Variants in BMS1 observed in about 807,000 individuals in gnomAD.
The protein encoded by BMS1 is ribosome biogenesis protein BMS1 homolog.
A neutral mutation model predicts 138.7 loss-of-function variants in BMS1; 53 were observed. The ratio of observed to expected loss-of-function variants is 0.38; its 90% CI spans 0.31 to 0.48. BMS1 has a LOEUF of 0.48. Among genes scored for constraint, BMS1 ranks in the 20% least tolerant of loss-of-function variants. BMS1 has a pLI of 0.97. For synonymous variants in BMS1, 504 were observed against 539.9 expected (o/e 0.93, Z 0.92); for missense variants, 1,360 against 1,565.5 (o/e 0.87, Z 2.22).
At position 42,831,897 on chromosome 10, in the gene BMS1, G is replaced by A. The variant is rs766237583; in HGVS notation, c.*801G>A. 1.1e-4 allele frequency: 17 copies of A among 152,010 alleles called. No individual in the cohort carries two copies. The highest frequency in any genetic ancestry group is 1.9e-4 in the Non-Finnish European group (13 of 68,014). The allele number at this position is 152,010 out of a possible 1,614,324, so 9.4% of individuals were successfully genotyped here. A position where few individuals can be genotyped will look rare whatever the true frequency, so the allele number is the denominator to read the frequency against. On this transcript the variant is annotated 3_prime_UTR_variant, in exon 23 of 23. Transcript: ENST00000374518. ...GAAGTAATCATACTATTACATAGGC[G>A]ATGTATGTATTTTATGATTGTATGT...
At chr10:42,787,413 A>G (rs1352072721) in intron 4 of BMS1, among the ~76,000 whole-genome samples, 166 bp downstream of exon 4, 1 of 152,228 alleles carries the variant, frequency 6.6e-6, no homozygotes, top group Non-Finnish European at 1.5e-5. Flanking sequence ...ATGGTAATAA[A>G]TGTTGTTATG....
chr10:42,817,413 G>A lies in BMS1; in HGVS notation c.2499G>A (p.Lys833=), dbSNP rs1588748154. 1 of 1,609,756 alleles carries A rather than the reference G, an allele frequency of 6.2e-7. No individual in the cohort carries two copies. ...ATTTGGATAAGAAGAGAAAATTGAA[G>A]GAGATGTTTGATGCAGAATATGATG... ...KKHLDKKRKL[K]EMFDAEYDEG... The change falls in exon 15 of 23, where the codon AAG becomes AAA. Residue 833 remains lysine, a synonymous_variant. Coordinates refer to ENST00000374518, the MANE Select transcript of BMS1 (RefSeq NM_014753.4).
chr10:42,795,601 G>C (rs1841659805), intron 9 of BMS1, among the ~76,000 whole-genome samples: 2 of 151,884 alleles, frequency 1.3e-5, no homozygotes, highest in Non-Finnish European at 1.5e-5. Flanking sequence ...GATTACAGAT[G>C]TGAGCCACTA....
At position 42,792,522 on chromosome 10, in the gene BMS1, T is replaced by G. The variant is rs754788163; in HGVS notation, c.809T>G (p.Ile270Ser). 3.3e-5 allele frequency: 53 copies of G among 1,611,708 alleles called. No homozygotes were observed. In the South Asian group the frequency reaches 5.7e-4, roughly 17 times the overall value. Residue 270 changes from isoleucine (I) to serine (S), a missense_variant, in exon 7 of 23, where the codon ATC becomes AGC. This residue lies in a region of BMS1 where 697 missense variants were observed against 686.2 expected (regional missense o/e 1.02). Transcript: ENST00000374518. Reference sequence around the variant, plus strand: ...GAAGATTTGACAAACCCAGAGGATATCCGAACAAACATCAAATGTGACCGG... The same window carrying G: ...GAAGATTTGACAAACCCAGAGGATAGCCGAACAAACATCAAATGTGACCGG... ...RMEDLTNPED[I>S]RTNIKCDRKV...
At chr10:42,809,024 TG>T (rs1426691565) in intron 13 of BMS1, among the ~76,000 whole-genome samples, 2 of 152,242 alleles carry the variant, frequency 1.3e-5, no homozygotes, top group Non-Finnish European at 1.5e-5. Context: ...AGAATAAACT[TG>T]TTTATGTCTA....
Position 42,831,241 on chromosome 10 carries a change from G to C in BMS1, c.*145G>C, listed in dbSNP as rs939907458. On this transcript the variant is annotated 3_prime_UTR_variant, in exon 23 of 23. Coordinates refer to ENST00000374518, the MANE Select transcript of BMS1 (RefSeq NM_014753.4). ...AACTGTGCCTGCAGGAGGAGGAACAGAGAAGCCTGGGCTGCTGGGACTGGG... is the reference window on the plus strand; with the variant it reads ...AACTGTGCCTGCAGGAGGAGGAACACAGAAGCCTGGGCTGCTGGGACTGGG... 5.8e-6 allele frequency: 5 copies of C among 867,280 alleles called. No individual in the cohort carries two copies. The African/African-American group carries it at 8.5e-5, about 15-fold the overall frequency. 53.7% of individuals were successfully genotyped at this position (867,280 alleles called of 1,614,324 possible). A position where few individuals can be genotyped will look rare whatever the true frequency, so the allele number is the denominator to read the frequency against.
chr10:42,820,720 C>T (rs762330473), intron 17 of BMS1, 32 bp downstream of exon 17: 1 of 1,600,492 alleles, frequency 6.2e-7, no homozygotes, highest in East Asian at 2.2e-5. Flanking sequence ...TTGCCTGTTG[C>T]CAAGATTAAA....
At chr10:42,793,782 T>A in intron 8 of BMS1, 70 bp from the exon 9 acceptor site, 1 of 1,513,996 alleles carries the variant, frequency 6.6e-7, no homozygotes, top group South Asian at 1.2e-5. Context: ...TTTGAGAAAC[T>A]GAGTGAAGCT....
chr10:42,811,525 TC>T (rs1280135652), intron 13 of BMS1, among the ~76,000 whole-genome samples: 7,661 of 118,888 alleles, frequency 0.064, 953 homozygotes, highest in Non-Finnish European at 0.083. Flanking sequence ...ATTTTCTTTT[TC>T]TTTTTTTTTT....
Position 42,797,138 on chromosome 10 carries a change from C to T in BMS1, c.1894C>T (p.Gln632Ter). 6.2e-7 allele frequency: 1 copy of T among 1,614,166 alleles called. No individual in the cohort carries two copies. Among genetic ancestry groups the T allele is most frequent in the Non-Finnish European group, 8.5e-7 (1 of 1,180,038 alleles). The change falls in exon 10 of 23, where the codon CAG (glutamine) becomes TAG (stop). Residue 632 changes from glutamine (Q) to a stop codon, truncating the protein, a stop_gained. Transcript: ENST00000374518. LOFTEE classifies it high-confidence loss of function. ...QVSSGQKLGP[Q>*]NFIDETSDIE... ...GAGCAGTGGTCAGAAACTGGGGCCA[C>T]AGAACTTCATTGATGAGACCAGTGA...
chr10:42,823,386 C>T (rs1303387490), intron 20 of BMS1, 121 bp downstream of exon 20: 1 of 1,337,016 alleles, frequency 7.5e-7, no homozygotes, highest in Non-Finnish European at 1.0e-6. Context: ...CTTAGATCTC[C>T]CAGTCTTATG....
chr10:42,795,152 C>G (rs7082596), intron 9 of BMS1, among the ~76,000 whole-genome samples: 32,924 of 147,024 alleles, frequency 0.22, 4,267 homozygotes, highest in Non-Finnish European at 0.3. Context: ...TTTTCTTAAT[C>G]CAGTCTATCA....
rs1398389140 is a variant in BMS1, at chr10:42,833,759, C to T, written c.*2663C>T. 4 of 152,142 alleles carry T rather than the reference C, an allele frequency of 2.6e-5. No homozygotes were observed. Among genetic ancestry groups the T allele is most frequent in the African/African-American group, 9.7e-5 (4 of 41,434 alleles). 9.4% of individuals were successfully genotyped at this position (152,142 alleles called of 1,614,324 possible). On this transcript the variant is annotated 3_prime_UTR_variant, in exon 23 of 23. Coordinates refer to ENST00000374518, the MANE Select transcript of BMS1 (RefSeq NM_014753.4). Reference sequence around the variant, plus strand: ...GACATATATCAAAATAAGGACCAGACTGGAGAGTGTGTAAATTACTTTTCA... The same window carrying T: ...GACATATATCAAAATAAGGACCAGATTGGAGAGTGTGTAAATTACTTTTCA...
chr10:42,813,876 T>C (rs1249617835), intron 13 of BMS1, among the ~76,000 whole-genome samples: 1 of 152,214 alleles, frequency 6.6e-6, no homozygotes, highest in Non-Finnish European at 1.5e-5. Context: ...TGAAGGGTAG[T>C]TTCATGGGAT....
intron 13 of BMS1, among the ~76,000 whole-genome samples, 200 bp from the exon 14 acceptor site, chr10:42,816,399 T>C (rs781695866): frequency 3.5e-4 from 54 of 152,292 alleles, no homozygotes; most frequent in Middle Eastern, 3.4e-3. Flanking sequence ...TTGGGTCCAT[T>C]TAGTTTACCT....
At position 42,796,694 on chromosome 10, in the gene BMS1, A is replaced by C. The variant is rs1034469433; in HGVS notation, c.1450A>C (p.Lys484Gln). 2 of 1,614,230 alleles carry C rather than the reference A, an allele frequency of 1.2e-6. No homozygotes were observed. Among genetic ancestry groups the C allele is most frequent in the Middle Eastern group, 1.6e-4 (1 of 6,062 alleles). The change falls in exon 10 of 23, where the codon AAA becomes CAA. Residue 484 changes from lysine (K) to glutamine (Q), a missense_variant. Around this residue, in one of 3 missense-constraint regions of BMS1, gnomAD observed 697 missense variants for 686.2 expected, o/e 1.02. Coordinates refer to ENST00000374518, the MANE Select transcript of BMS1 (RefSeq NM_014753.4). Reference protein sequence around the residue: ...TDQYMAVKGIKRRKLELEEDS... With the variant: ...TDQYMAVKGIQRRKLELEEDS... ...TCAGTATATGGCTGTTAAGGGCATC[A>C]AACGACGGAAACTTGAGTTGGAAGA...
intron 4 of BMS1, 108 bp downstream of exon 4, chr10:42,787,355 A>G (rs1841367387): frequency 1.1e-6 from 1 of 897,314 alleles, no homozygotes. Flanking sequence ...TAAAAGAATC[A>G]TGGTCATCAT....
intron 21 of BMS1, among the ~76,000 whole-genome samples, chr10:42,826,462 C>G (rs1842649255): frequency 3.9e-5 from 6 of 152,170 alleles, no homozygotes. Context: ...ACAGCAGCAT[C>G]TCAGTCTCTA....
chr10:42,816,128 A>G (rs1289483698), intron 13 of BMS1, among the ~76,000 whole-genome samples: 9 of 152,050 alleles, frequency 5.9e-5, no homozygotes, highest in South Asian at 2.1e-4. Flanking sequence ...GTGAAATCCC[A>G]TCTTTACTAA....
Sources: gnomAD v4.1 joint callset for allele counts (sites outside exome capture counted in the v4.1 genomes callset) on GRCh38, gnomAD v4.1.1 for gene constraint, gnomAD v4.1.1 regional missense constraint, MANE v1.5 for transcripts, NCBI Gene and HGNC (gene_info 2026-07-23, HGNC 2026-07-21) for gene names.